Variants in TSHZ3 observed in about 807,000 individuals in gnomAD.
TSHZ3 encodes teashirt homolog 3.
Under a neutral mutation model 64.5 loss-of-function variants are expected in TSHZ3, and 10 were observed. The ratio of observed to expected loss-of-function variants is 0.16; its 90% CI spans 0.10 to 0.26. The LOEUF is 0.26. Among genes scored for constraint, TSHZ3 ranks in the 10% least tolerant of loss-of-function variants. The pLI is 1.00. For missense variants in TSHZ3, 1,242 were observed against 1,421.7 expected, an observed-to-expected ratio of 0.87 and a Z score of 2.03; for synonymous variants, 608 against 593.1, an observed-to-expected ratio of 1.03 and a Z score of -0.36.
chr19:31,340,355 A>AAAAAAAAAAAAAAAAAAAAC (rs1917393664), intron 1 of TSHZ3, among the ~76,000 whole-genome samples: 1 of 149,636 alleles, frequency 6.7e-6, no homozygotes, highest in African/African-American at 2.4e-5. Context: ...AAAAAAAAAA[A>AAAAAAAAAAAAAAAAAAAAC]AAAAAAAAAC....
intron 3 of TSHZ3, among the ~76,000 whole-genome samples, chr19:31,228,208 G>A (rs1278414268): frequency 6.6e-6 from 1 of 152,138 alleles, no homozygotes; most frequent in Non-Finnish European, 1.5e-5. Context: ...TGAAGCTCTT[G>A]TAATTCCTGA....
chr19:31,263,308 G>A (rs1976005677), intron 1 of TSHZ3, among the ~76,000 whole-genome samples: 1 of 152,174 alleles, frequency 6.6e-6, no homozygotes, highest in South Asian at 2.1e-4. Flanking sequence ...ATGGAGGAAG[G>A]ACAAAGAAAT....
chr19:31,283,956 C>T (rs1395112630), intron 1 of TSHZ3, among the ~76,000 whole-genome samples: 1 of 152,174 alleles, frequency 6.6e-6, no homozygotes, highest in Non-Finnish European at 1.5e-5. Context: ...AGAACCTGGT[C>T]CCCACCAGGC....
chr19:31,350,130 G>A (rs1212195246), upstream of TSHZ3, among the ~76,000 whole-genome samples: 2 of 122,548 alleles, frequency 1.6e-5, no homozygotes, highest in African/African-American at 6.1e-5. Flanking sequence ...CGCCGACTCC[G>A]GAGCCCCCAG....
chr19:31,240,702 T>A (rs1251277320), intron 3 of TSHZ3, among the ~76,000 whole-genome samples: 1 of 147,016 alleles, frequency 6.8e-6, no homozygotes, highest in Admixed American at 6.6e-5. Context: ...TTCTGTTTAT[T>A]TTTTTTAATT....
chr19:31,152,575 C>A (rs1032159576), intron 6 of TSHZ3, among the ~76,000 whole-genome samples: 7 of 152,088 alleles, frequency 4.6e-5, no homozygotes, highest in African/African-American at 1.7e-4. Flanking sequence ...CTGGACCTCA[C>A]CAAGGATGTT....
chr19:31,235,874 C>T (rs1975607896), intron 3 of TSHZ3, among the ~76,000 whole-genome samples: 1 of 151,792 alleles, frequency 6.6e-6, no homozygotes, highest in African/African-American at 2.4e-5. Flanking sequence ...ACCAACACAC[C>T]TGGCTAATTT....
rs776111487 is a variant in TSHZ3 at position 31,278,096 on chromosome 19, G to A, written c.1697C>T (p.Ser566Leu). ...LPNMMKLSLG[S>L]SGKSTPLKPM... ...TTTCAGGGGCGTGCTCTTCCCCGAC[G>A]AGCCCAGGGACAACTTCATCATGTT... Residue 566 changes from serine (S) to leucine (L), a missense_variant, in exon 2 of 2, where the codon TCG (serine) becomes TTG (leucine). By Grantham distance (145) the Ser-to-Leu change is moderately radical (BLOSUM62 -2). Transcript: ENST00000240587. This position sits in a 1 kb window ranked among gnomAD's most constrained non-coding sequence, Gnocchi z 4.7. 1.1e-5 allele frequency: 17 copies of A among 1,614,156 alleles called. No homozygotes were observed. The highest frequency in any genetic ancestry group is 6.7e-5 in the Admixed American group (4 of 60,024).
At chr19:31,161,633 G>A (rs1285964708) in intron 5 of TSHZ3, among the ~76,000 whole-genome samples, 1 of 152,090 alleles carries the variant, frequency 6.6e-6, no homozygotes, top group Non-Finnish European at 1.5e-5. Context: ...AACCCCTCTG[G>A]GTCACCCTTC....
rs375634411 is a variant in TSHZ3, at chr19:31,279,040, G to T, written c.753C>A (p.Pro251=). ...GTTTGCGAGGCTTGGACCAGCGCTT[G>T]GGGTTGTTGTTATCGGTCTCATGGT... ...DDNHETDNNN[P]KRWSKPRKRS... Residue 251 remains proline, a synonymous_variant, in exon 2 of 2, where the codon CCC becomes CCA. Coordinates refer to ENST00000240587, the MANE Select transcript of TSHZ3 (RefSeq NM_020856.4). This position sits in a 1 kb window ranked among gnomAD's most constrained non-coding sequence, Gnocchi z 6.4. The T allele has an allele frequency of 1.9e-6, 3 of 1,614,066 alleles. No individual in the cohort carries two copies. The highest frequency in any genetic ancestry group is 2.5e-6 in the Non-Finnish European group (3 of 1,179,948).
chr19:31,313,006 AATTT>A (rs1397628119), intron 1 of TSHZ3, among the ~76,000 whole-genome samples: 1 of 138,188 alleles, frequency 7.2e-6, no homozygotes, highest in African/African-American at 2.7e-5. Context: ...TTTAAAAATA[AATTT>A]ATTTGAGTTA....
chr19:31,339,914 AAAAG>A (rs1917380202), intron 1 of TSHZ3, among the ~76,000 whole-genome samples: 1 of 151,812 alleles, frequency 6.6e-6, no homozygotes. Context: ...TAAAAAAAAA[AAAAG>A]AAAGAAAAGA....
At chr19:31,306,989 T>C (rs148211830) in intron 1 of TSHZ3, among the ~76,000 whole-genome samples, 6 of 152,268 alleles carry the variant, frequency 3.9e-5, no homozygotes, top group Non-Finnish European at 7.4e-5. Context: ...TTCTAAATAT[T>C]TCTTTGACTA....
At chr19:31,220,991 A>C (rs950870925) in intron 4 of TSHZ3, among the ~76,000 whole-genome samples, 1 of 152,228 alleles carries the variant, frequency 6.6e-6, no homozygotes, top group African/African-American at 2.4e-5. Flanking sequence ...CAAACTAGTT[A>C]AAATGCCTAA....
intron 1 of TSHZ3, among the ~76,000 whole-genome samples, chr19:31,336,234 G>T (rs1206665096): frequency 6.6e-6 from 1 of 152,132 alleles, no homozygotes; most frequent in East Asian, 1.9e-4. Flanking sequence ...AATTCCTCCA[G>T]AATATTTTAG....
intron 1 of TSHZ3, among the ~76,000 whole-genome samples, chr19:31,314,041 C>A (rs1196952009): frequency 1.3e-5 from 2 of 152,150 alleles, no homozygotes; most frequent in African/African-American, 2.4e-5. Context: ...GCAGGTCAGA[C>A]CCCCTCGTGC....
intron 5 of TSHZ3, among the ~76,000 whole-genome samples, chr19:31,196,227 A>G (rs1306616304): frequency 4.6e-5 from 7 of 152,026 alleles, no homozygotes; most frequent in Non-Finnish European, 1.0e-4. Flanking sequence ...GTTACACTAC[A>G]GTTATTATAG....
Position 31,160,235 on chromosome 19 carries a change from G to T in TSHZ3, n.810-3818C>A, listed in dbSNP as rs1322911351. The stretch of plus-strand genomic sequence containing the variant: ...ACACAGCCAACAAGTAGGAGCACAG[G>T]CTGTGGACTCTGGAGGCCTCCCTCT... On this transcript the variant is annotated intron_variant and non_coding_transcript_variant, in intron 5 of 6. Coordinates refer to the TSHZ3 transcript ENST00000651361. Among the ~76,000 whole-genome samples the T allele has an allele frequency of 5.9e-5, 9 of 152,148 alleles. No individual in the cohort carries two copies. In the East Asian group the frequency reaches 1.7e-3, roughly 29 times the overall value.
intron 5 of TSHZ3, among the ~76,000 whole-genome samples, chr19:31,190,497 C>T (rs1390598359): frequency 6.6e-6 from 1 of 152,054 alleles, no homozygotes; most frequent in Non-Finnish European, 1.5e-5. Context: ...AACTTCTCTC[C>T]CACTCTAACA....
Sources: allele counts gnomAD v4.1 joint callset (sites outside exome capture counted in the v4.1 genomes callset), GRCh38; gene constraint gnomAD v4.1.1; non-coding constraint Gnocchi (gnomAD v3.1); transcripts MANE v1.5; gene names NCBI Gene and HGNC (gene_info 2026-07-23, HGNC 2026-07-21).